The following PPID variants were observed in gnomAD, a reference collection of about 807,000 sequenced individuals.
PPID encodes the protein peptidylprolyl isomerase D.
Under a neutral mutation model 48.1 loss-of-function variants are expected in PPID, and 47 were observed. The observed-to-expected ratio is 0.98, with a 90% CI of 0.77 to 1.25. PPID has a LOEUF of 1.25. Among genes scored for constraint, PPID ranks in the 50% most tolerant of loss-of-function variants. The pLI, the probability that PPID is intolerant of heterozygous loss-of-function variation, is 0.00. For missense variants in PPID, 429 were observed against 443.5 expected (o/e 0.97, Z 0.29); for synonymous variants, 163 against 148.8 (o/e 1.10, Z -0.69).
chr4:158,723,344 G>C lies in PPID; in HGVS notation c.-56C>G. On this transcript the variant is annotated 5_prime_UTR_variant, in exon 1 of 10. Coordinates refer to ENST00000307720, the MANE Select transcript of PPID (RefSeq NM_005038.3). ...ATCAGAGTACCTAGTGGCCGCCCGG[G>C]CCGCCCAAACTCCAGAGTCCGTCTC... 6.5e-7 allele frequency: 1 copy of C among 1,542,076 alleles called. No homozygotes were observed. The highest frequency in any genetic ancestry group is 2.3e-5 in the East Asian group (1 of 43,714).
chr4:158,717,090 C>G lies in PPID; in HGVS notation c.444G>C (p.Val148=). ...CTATTCCTTTAATTACTTGGCCAAA[C>G]ACCACATGTTTCCCATCCAAATGAG... is the stretch of plus-strand genomic sequence containing the variant. ...PTPHLDGKHV[V]FGQVIKGIGV... is the part of the protein sequence containing the mutation. The change falls in exon 4 of 10, where the codon GTG becomes GTC. Residue 148 remains valine, a synonymous_variant. Transcript: ENST00000307720. 1 of 1,614,086 alleles carries G rather than the reference C, an allele frequency of 6.2e-7. No individual in the cohort carries two copies. The highest frequency in any genetic ancestry group is 8.5e-7 in the Non-Finnish European group (1 of 1,179,966).
rs772180149 is a variant in PPID, at chr4:158,715,679, G to A, written c.528C>T (p.Cys176=). 19 of 1,607,858 alleles carry A rather than the reference G, an allele frequency of 1.2e-5. No individual in the cohort carries two copies. The highest frequency in any genetic ancestry group is 5.0e-5 in the Admixed American group (3 of 59,974). The change falls in exon 5 of 10, where the codon TGC becomes TGT. Residue 176 remains cysteine, a synonymous_variant. Transcript: ENST00000307720. ...TCAATTCTCCACATTCTGCAATAAC[G>A]CACAACTGTAAAAATAACCCTAAAT... is the stretch of plus-strand genomic sequence containing the variant. The part of the protein sequence containing the change: ...EVKGEKPAKL[C]VIAECGELKE...
At chr4:158,716,940 C>T in intron 4 of PPID, 72 bp downstream of exon 4, 1 of 1,489,220 alleles carries the variant, frequency 6.7e-7, no homozygotes, top group African/African-American at 1.4e-5. Flanking sequence ...CAGCCTGGAA[C>T]AGATCGAGAC....
chr4:158,717,757 T>C lies in PPID; in HGVS notation c.334-557A>G, dbSNP rs111912603. Among the ~76,000 whole-genome samples, 432 of 152,342 alleles carry C rather than the reference T, an allele frequency of 2.8e-3. 3 individuals are homozygous for C. Among genetic ancestry groups the C allele is most frequent in the African/African-American group, 9.8e-3 (409 of 41,576 alleles). ...CCTAATCTCAAAAGAATCCAAATCA[T>C]ACAGGATTTGGATTAGGTTTTCATC... On this transcript the variant is annotated intron_variant, in intron 3 of 9. Transcript: ENST00000307720.
At chr4:158,723,134 T>G in intron 1 of PPID, 70 bp downstream of exon 1, 1 of 1,465,698 alleles carries the variant, frequency 6.8e-7, no homozygotes, top group South Asian at 1.2e-5. Flanking sequence ...CATTCCGCCC[T>G]TGGAATCCCC....
intron 4 of PPID, 56 bp downstream of exon 4, chr4:158,716,956 C>A: frequency 6.5e-7 from 1 of 1,544,812 alleles, no homozygotes; most frequent in Non-Finnish European, 8.9e-7. Flanking sequence ...GAGACTCCGT[C>A]TCAAAAAGAT....
chr4:158,723,273 G>A lies in PPID; in HGVS notation c.16C>T (p.Pro6Ser), dbSNP rs760272453. 6.8e-6 allele frequency: 11 copies of A among 1,613,980 alleles called. No individual in the cohort carries two copies. Among genetic ancestry groups the A allele is most frequent in the Non-Finnish European group, 9.3e-6 (11 of 1,179,994 alleles). MSHPS[P>S]QAKPSNPSNP... ...CTGGGGTTGGAGGGCTTGGCTTGGG[G>A]GGACGGGTGCGACATCTTGACTTGC... Residue 6 changes from proline (P) to serine (S), a missense_variant, in exon 1 of 10, where the codon CCC (proline) becomes TCC (serine). Physicochemically the swap from Pro to Ser is moderately conservative, Grantham distance 74 (BLOSUM62 -1). Transcript: ENST00000307720.
chr4:158,719,834 G>T (rs1774928629), intron 2 of PPID, among the ~76,000 whole-genome samples: 2 of 152,174 alleles, frequency 1.3e-5, no homozygotes, highest in Non-Finnish European at 2.9e-5. Flanking sequence ...TTGCTTTCAT[G>T]TTCAGAGAAC....
rs1340336041 is a variant in PPID at position 158,716,765 on chromosome 4, C to G, written c.522+247G>C. On this transcript the variant is annotated intron_variant, in intron 4 of 9. Coordinates refer to ENST00000307720, the MANE Select transcript of PPID (RefSeq NM_005038.3). ...ACAAGGTCAGGAGTTTGAGACCAGC[C>G]TGGCCAACATGGTGAAACCCCGTCT... 2.0e-5 allele frequency among the ~76,000 whole-genome samples: 3 copies of G among 152,100 alleles called. No homozygotes were observed. In the East Asian group the frequency reaches 5.8e-4, roughly 29 times the overall value.
chr4:158,715,588 C>T lies in PPID; in HGVS notation c.619G>A (p.Glu207Lys). 6.2e-7 allele frequency: 1 copy of T among 1,613,996 alleles called. No individual in the cohort carries two copies. The highest frequency in any genetic ancestry group is 2.2e-5 in the East Asian group (1 of 44,882). Residue 207 changes from glutamate (E) to lysine (K), a missense_variant, in exon 5 of 10, where the codon GAG becomes AAG. Physicochemically the swap from Glu to Lys is moderately conservative, Grantham distance 56. Coordinates refer to ENST00000307720, the MANE Select transcript of PPID (RefSeq NM_005038.3). The part of the protein sequence containing the change: ...GSGDSHPDFP[E>K]DADIDLKDVD... ...TCTTTTAAATCTATATCCGCATCCT[C>T]AGGGAAATCTGGATGACTGTCGCCA...
At position 158,723,292 on chromosome 4, in the gene PPID, G is replaced by A. The variant is rs780270489; in HGVS notation, c.-4C>T. ...CTTGGGGGGACGGGTGCGACATCTT[G>A]ACTTGCAGACGTGTTTAGTACGGAA... On this transcript the variant is annotated 5_prime_UTR_variant, in exon 1 of 10. Coordinates refer to ENST00000307720, the MANE Select transcript of PPID (RefSeq NM_005038.3). 6.2e-7 allele frequency: 1 copy of A among 1,613,134 alleles called. No homozygotes were observed. The highest frequency in any genetic ancestry group is 8.5e-7 in the Non-Finnish European group (1 of 1,179,338).
At chr4:158,716,086 TC>T (rs1774868325) in intron 4 of PPID, among the ~76,000 whole-genome samples, 1 of 151,126 alleles carries the variant, frequency 6.6e-6, no homozygotes, top group Non-Finnish European at 1.5e-5. Context: ...TAGGGGTTTT[TC>T]TTTTTTTCTT....
At chr4:158,713,336 T>A in intron 6 of PPID, 76 bp from the exon 7 acceptor site, 1 of 1,293,438 alleles carries the variant, frequency 7.7e-7, no homozygotes. Context: ...CCAGAAGTGT[T>A]ATGTCATTTC....
At chr4:158,712,212 T>A (rs1434799283) in intron 7 of PPID, among the ~76,000 whole-genome samples, 1 of 152,134 alleles carries the variant, frequency 6.6e-6, no homozygotes, top group African/African-American at 2.4e-5. Flanking sequence ...TTGAGGAAGG[T>A]AAAACTGCCA....
intron 1 of PPID, among the ~76,000 whole-genome samples, chr4:158,722,329 A>C (rs779978207): frequency 2.6e-5 from 4 of 152,248 alleles, no homozygotes; most frequent in Non-Finnish European, 5.9e-5. Flanking sequence ...GGGTGGGCGG[A>C]CTTGCCACGT....
chr4:158,713,743 A>G (rs1304593666), intron 6 of PPID, among the ~76,000 whole-genome samples: 2 of 152,222 alleles, frequency 1.3e-5, no homozygotes, highest in East Asian at 1.9e-4. Flanking sequence ...AGAAACTGCC[A>G]TATCAGATGT....
chr4:158,720,635 G>A (rs1346466526), intron 2 of PPID, among the ~76,000 whole-genome samples: 1 of 152,190 alleles, frequency 6.6e-6, no homozygotes, highest in Non-Finnish European at 1.5e-5. Context: ...TCACCCATGT[G>A]CCCAAAACAC....
Position 158,713,277 on chromosome 4 carries a change from T to C in PPID, c.753-17A>G. The C allele has an allele frequency of 1.3e-6, 2 of 1,583,794 alleles. No individual in the cohort carries two copies. The highest frequency in any genetic ancestry group is 1.2e-5 in the South Asian group (1 of 86,210). ...TCCACGTATCTGCAGAATGCATTAA[T>C]AAAAGCAGTATGAAAGACCACATAA... On this transcript the variant is annotated splice_polypyrimidine_tract_variant and intron_variant, in intron 6 of 9. Coordinates refer to ENST00000307720, the MANE Select transcript of PPID (RefSeq NM_005038.3).
chr4:158,718,510 T>C (rs1774906295), intron 3 of PPID, among the ~76,000 whole-genome samples: 1 of 152,352 alleles, frequency 6.6e-6, no homozygotes, highest in Non-Finnish European at 1.5e-5. Context: ...GGATTATAAA[T>C]TCCTTGTCAT....
Sources: gnomAD v4.1 joint callset for allele counts (sites outside exome capture counted in the v4.1 genomes callset) on GRCh38, gnomAD v4.1.1 for gene constraint, MANE v1.5 for transcripts, NCBI Gene and HGNC (gene_info 2026-07-23, HGNC 2026-07-21) for gene names.